The following PACRG variants were observed in gnomAD, a reference collection of about 807,000 sequenced individuals.
PACRG encodes the protein parkin coregulated, also known as parkin coregulated gene protein.
PACRG carries 29 observed loss-of-function variants against 29.7 expected under a neutral mutation model. The ratio of observed to expected loss-of-function variants is 0.98; its 90% CI spans 0.73 to 1.33. The LOEUF (loss-of-function observed/expected upper bound fraction) is 1.33, where lower values mean the gene tolerates loss of function less well. Among genes scored for constraint, PACRG ranks in the 40% most tolerant of loss-of-function variants. The pLI, the probability that PACRG is intolerant of heterozygous loss-of-function variation, is 0.00. For synonymous variants in PACRG, 116 were observed against 118.7 expected, an observed-to-expected ratio of 0.98 and a Z score of 0.15; for missense variants, 279 against 316.2, an observed-to-expected ratio of 0.88 and a Z score of 0.89.
chr6:162,940,741 T>A (rs190227419), intron 2 of PACRG, among the ~76,000 whole-genome samples: 34 of 152,220 alleles, frequency 2.2e-4, no homozygotes, highest in Non-Finnish European at 4.4e-4. Flanking sequence ...CGGGTTTGAT[T>A]TTGTGGGCAT....
At chr6:162,989,771 G>A (rs528917813) in intron 2 of PACRG, among the ~76,000 whole-genome samples, 1 of 148,718 alleles carries the variant, frequency 6.7e-6, no homozygotes, top group Non-Finnish European at 1.5e-5. Context: ...AAGTTTTAGG[G>A]TACATGTGCA....
chr6:163,168,469 GAAC>G (rs1254242135), intron 4 of PACRG, among the ~76,000 whole-genome samples: 1 of 152,164 alleles, frequency 6.6e-6, no homozygotes, highest in Non-Finnish European at 1.5e-5. Context: ...ACTCCAGACT[GAAC>G]AACAGAGCGA....
chr6:163,091,437 C>G (rs1051188225), intron 4 of PACRG, among the ~76,000 whole-genome samples: 1 of 152,164 alleles, frequency 6.6e-6, no homozygotes, highest in Non-Finnish European at 1.5e-5. Context: ...AAAGTTCATA[C>G]GAGAGTCCTT....
chr6:162,987,491 C>T (rs1803004982), intron 2 of PACRG, among the ~76,000 whole-genome samples: 1 of 152,090 alleles, frequency 6.6e-6, no homozygotes, highest in African/African-American at 2.4e-5. Context: ...GGGTTTTTCC[C>T]ATGCTGTTCT....
chr6:163,085,765 C>T (rs1392713189), intron 3 of PACRG, among the ~76,000 whole-genome samples: 2 of 152,230 alleles, frequency 1.3e-5, no homozygotes, highest in Non-Finnish European at 2.9e-5. Flanking sequence ...AGGCGTGGGA[C>T]TTGATTGTCT....
chr6:162,764,450 A>T (rs1016989163), intron 1 of PACRG, among the ~76,000 whole-genome samples: 1 of 152,188 alleles, frequency 6.6e-6, no homozygotes, highest in Non-Finnish European at 1.5e-5. Context: ...TAATGGGCTA[A>T]TTTATTAGAA....
intron 1 of PACRG, among the ~76,000 whole-genome samples, chr6:162,787,993 G>A (rs1456885857): frequency 1.3e-5 from 2 of 152,022 alleles, no homozygotes; most frequent in Non-Finnish European, 2.9e-5. Flanking sequence ...AGTGTGGTAC[G>A]TTTGTTACAA....
intron 2 of PACRG, among the ~76,000 whole-genome samples, chr6:162,925,655 A>G (rs1329789771): frequency 2.0e-5 from 3 of 152,196 alleles, no homozygotes; most frequent in African/African-American, 7.2e-5. Context: ...GATAGAACGT[A>G]TCTCAAAATA....
chr6:162,990,400 T>C (rs1803344588), intron 2 of PACRG, among the ~76,000 whole-genome samples: 1 of 150,508 alleles, frequency 6.6e-6, no homozygotes, highest in Admixed American at 6.6e-5. Flanking sequence ...CCAGCACCTG[T>C]TGTTTCCTGA....
At chr6:162,897,542 TA>T (rs1166414712) in intron 2 of PACRG, among the ~76,000 whole-genome samples, 1 of 152,232 alleles carries the variant, frequency 6.6e-6, no homozygotes. Context: ...TGTGTATACG[TA>T]AGAAAAGCTG....
chr6:163,235,677 T>C (rs942585788), intron 4 of PACRG, among the ~76,000 whole-genome samples: 1 of 152,224 alleles, frequency 6.6e-6, no homozygotes, highest in African/African-American at 2.4e-5. Flanking sequence ...CTTCCTCTTA[T>C]ACATTTCTCT....
intron 4 of PACRG, among the ~76,000 whole-genome samples, chr6:163,151,244 T>C (rs925571952): frequency 6.6e-6 from 1 of 152,206 alleles, no homozygotes; most frequent in African/African-American, 2.4e-5. Context: ...GGCCCGGATC[T>C]TGGTTTTTGT....
chr6:162,784,640 G>C (rs1464736739), intron 1 of PACRG, among the ~76,000 whole-genome samples: 1 of 152,080 alleles, frequency 6.6e-6, no homozygotes, highest in Non-Finnish European at 1.5e-5. Flanking sequence ...TGAAGCAACT[G>C]GTCAGTAGGG....
chr6:163,247,101 T>C (rs1355079509), intron 4 of PACRG, among the ~76,000 whole-genome samples: 1 of 152,220 alleles, frequency 6.6e-6, no homozygotes, highest in Non-Finnish European at 1.5e-5. Context: ...GCTCCAAGAA[T>C]AGAGTGCTCT....
At chr6:163,231,033 C>A (rs1419679104) in intron 4 of PACRG, among the ~76,000 whole-genome samples, 1 of 152,212 alleles carries the variant, frequency 6.6e-6, no homozygotes, top group East Asian at 1.9e-4. Context: ...AAGATCCCTG[C>A]AAAGGCAACG....
chr6:163,312,705 C>A (rs754373077), intron 4 of PACRG: 13 of 375,596 alleles, frequency 3.5e-5, no homozygotes, highest in African/African-American at 4.5e-5. Flanking sequence ...GGGCAAGGAC[C>A]CTTTTGTTTC....
intron 4 of PACRG, among the ~76,000 whole-genome samples, chr6:163,217,687 C>T (rs1303754707): frequency 6.6e-6 from 1 of 152,060 alleles, no homozygotes; most frequent in Non-Finnish European, 1.5e-5. Context: ...CTGAGCTCCG[C>T]CTCCTGTCAG....
intron 2 of PACRG, among the ~76,000 whole-genome samples, chr6:162,851,997 GAGGGAGGGAGGA>G (rs1390390131): frequency 8.5e-4 from 52 of 60,986 alleles, no homozygotes; most frequent in Admixed American, 1.4e-4. Context: ...GGGAGGGAGG[GAGGGAGGGAGGA>G]AGGAAGGAAG....
chr6:162,975,525 A>G (rs1386869988), intron 2 of PACRG, among the ~76,000 whole-genome samples: 1 of 151,920 alleles, frequency 6.6e-6, no homozygotes, highest in African/African-American at 2.4e-5. Flanking sequence ...AGCATAAAGC[A>G]CTCTGTTCAT....
Sources: gnomAD v4.1 joint callset for allele counts (sites outside exome capture counted in the v4.1 genomes callset) on GRCh38, gnomAD v4.1.1 for gene constraint, MANE v1.5 for transcripts, NCBI Gene and HGNC (gene_info 2026-07-23, HGNC 2026-07-21) for gene names.